Variants in SH3GL2 observed in about 807,000 individuals in gnomAD.
SH3GL2 encodes SH3 domain containing GRB2 like 2, endophilin A1.
Under a neutral mutation model 46.0 loss-of-function variants are expected in SH3GL2, and 24 were observed. The observed-to-expected ratio is 0.52, with a 90% CI of 0.38 to 0.73. The LOEUF (loss-of-function observed/expected upper bound fraction) is 0.73. Among genes scored for constraint, SH3GL2 ranks in the 30% least tolerant of loss-of-function variants. The pLI is 0.00. For synonymous variants in SH3GL2, 196 were observed against 147.1 expected (o/e 1.33, Z -2.40); for missense variants, 413 against 424.2 (o/e 0.97, Z 0.23).
chr9:17,683,368 T>G (rs1323210692), intron 1 of SH3GL2, among the ~76,000 whole-genome samples: 1 of 152,022 alleles, frequency 6.6e-6, no homozygotes, highest in Admixed American at 6.6e-5. Context: ...CTCTGGATCC[T>G]TCTCTAACCC....
At chr9:17,671,102 CATT>C (rs1206936708) in intron 1 of SH3GL2, among the ~76,000 whole-genome samples, 4 of 152,142 alleles carry the variant, frequency 2.6e-5, no homozygotes, top group Non-Finnish European at 5.9e-5. Context: ...GGACAGATGT[CATT>C]ATATCTGTAC....
chr9:17,612,368 C>T (rs900453476), intron 1 of SH3GL2, among the ~76,000 whole-genome samples: 1 of 152,118 alleles, frequency 6.6e-6, no homozygotes, highest in Non-Finnish European at 1.5e-5. Flanking sequence ...CTGACACAAC[C>T]CTCTTAACCT....
At chr9:17,766,968 A>G (rs1199461841) in intron 3 of SH3GL2, among the ~76,000 whole-genome samples, 2 of 152,198 alleles carry the variant, frequency 1.3e-5, no homozygotes, top group Non-Finnish European at 2.9e-5. Context: ...AGTCTGTTTC[A>G]TGACACTTGA....
intron 2 of SH3GL2, among the ~76,000 whole-genome samples, chr9:17,748,384 G>A (rs959535324): frequency 3.3e-5 from 5 of 152,072 alleles, no homozygotes; most frequent in African/African-American, 7.2e-5. Context: ...TTTGTACTTC[G>A]TTGTAACAAA....
intron 1 of SH3GL2, among the ~76,000 whole-genome samples, chr9:17,654,507 G>A (rs1416075252): frequency 6.6e-6 from 1 of 152,202 alleles, no homozygotes; most frequent in East Asian, 1.9e-4. Context: ...GGAGAACTCT[G>A]TTCTGAGCCA....
At chr9:17,606,275 T>C (rs918668652) in intron 1 of SH3GL2, among the ~76,000 whole-genome samples, 3 of 152,138 alleles carry the variant, frequency 2.0e-5, no homozygotes. Context: ...GGAGTTTTAA[T>C]AGAGACGAGG....
At chr9:17,627,815 C>T (rs1477472345) in intron 1 of SH3GL2, among the ~76,000 whole-genome samples, 8 of 152,094 alleles carry the variant, frequency 5.3e-5, no homozygotes, top group East Asian at 1.9e-4. Flanking sequence ...CCAGAGAGGC[C>T]GTGTGGCTCT....
chr9:17,645,151 CTTTTTTTTTTTTTTTTT>C (rs57611978), intron 1 of SH3GL2, among the ~76,000 whole-genome samples: 14 of 68,772 alleles, frequency 2.0e-4, no homozygotes, highest in Non-Finnish European at 2.4e-4. Context: ...GCAAACGCTG[CTTTTTTTTTTTTTTTTT>C]TTTTTTTTTT....
intron 1 of SH3GL2, among the ~76,000 whole-genome samples, chr9:17,694,108 T>C (rs961346180): frequency 6.6e-6 from 1 of 152,136 alleles, no homozygotes; most frequent in Non-Finnish European, 1.5e-5. Context: ...GGTAAGGAAA[T>C]TGGAGACCAA....
intron 1 of SH3GL2, among the ~76,000 whole-genome samples, chr9:17,657,248 T>C (rs1476089811): frequency 6.6e-6 from 1 of 152,208 alleles, no homozygotes; most frequent in African/African-American, 2.4e-5. Flanking sequence ...TTCTGTAGTA[T>C]GAGAAAGAGA....
chr9:17,677,805 G>A (rs1277779711), intron 1 of SH3GL2, among the ~76,000 whole-genome samples: 7 of 144,938 alleles, frequency 4.8e-5, no homozygotes, highest in Non-Finnish European at 9.0e-5. Flanking sequence ...ACAGGCCCCC[G>A]TGTGTGATGT....
At chr9:17,694,237 G>A (rs931947683) in intron 1 of SH3GL2, among the ~76,000 whole-genome samples, 3 of 152,054 alleles carry the variant, frequency 2.0e-5, no homozygotes, top group Admixed American at 6.6e-5. Flanking sequence ...GCTTGTCTTG[G>A]GGGGCCTTAG....
intron 5 of SH3GL2, among the ~76,000 whole-genome samples, chr9:17,788,576 T>TTAG (rs1824028821): frequency 6.6e-6 from 1 of 152,236 alleles, no homozygotes; most frequent in Non-Finnish European, 1.5e-5. Context: ...ACAATACTTT[T>TTAG]TAGCTTTGGA....
intron 1 of SH3GL2, among the ~76,000 whole-genome samples, chr9:17,696,394 C>G (rs1319251693): frequency 1.3e-5 from 2 of 152,088 alleles, no homozygotes; most frequent in African/African-American, 4.8e-5. Flanking sequence ...GACAAATAAT[C>G]ACTTTACTAC....
rs184967616 is a variant in SH3GL2 at position 17,784,633 on chromosome 9, G to A, written c.188-1748G>A. Among the ~76,000 whole-genome samples, 4 of 152,238 alleles carry A rather than the reference G, an allele frequency of 2.6e-5. No homozygotes were observed. In the East Asian group the frequency reaches 5.8e-4, roughly 22 times the overall value. Reference sequence around the variant, plus strand: ...TCACTATATTGTGAGCACCTTGAGGGCTGGGACTGTGTCCTTCCTGGATCT... The same window carrying A: ...TCACTATATTGTGAGCACCTTGAGGACTGGGACTGTGTCCTTCCTGGATCT... On this transcript the variant is annotated intron_variant, in intron 3 of 8. Coordinates refer to ENST00000380607, the MANE Select transcript of SH3GL2 (RefSeq NM_003026.5).
chr9:17,712,740 G>C (rs1821659911), intron 1 of SH3GL2, among the ~76,000 whole-genome samples: 1 of 151,720 alleles, frequency 6.6e-6, no homozygotes, highest in Non-Finnish European at 1.5e-5. Context: ...ATTCATCTAA[G>C]TTGTTTTGTC....
chr9:17,738,575 T>TATATAGAGAG (rs146902227), intron 1 of SH3GL2, among the ~76,000 whole-genome samples: 3 of 108,258 alleles, frequency 2.8e-5, no homozygotes, highest in African/African-American at 9.3e-5. Flanking sequence ...CATATATATA[T>TATATAGAGAG]AGAGAGAGAG....
intron 1 of SH3GL2, among the ~76,000 whole-genome samples, chr9:17,652,752 A>G (rs544910200): frequency 6.6e-6 from 1 of 152,286 alleles, no homozygotes; most frequent in East Asian, 1.9e-4. Context: ...CTCAACCTGT[A>G]TTATTAATTG....
chr9:17,700,378 G>A (rs1821317857), intron 1 of SH3GL2, among the ~76,000 whole-genome samples: 1 of 152,020 alleles, frequency 6.6e-6, no homozygotes, highest in Non-Finnish European at 1.5e-5. Flanking sequence ...GTAAATTCAG[G>A]GTCTTCAAGC....
Sources: gnomAD v4.1 joint callset for allele counts (sites outside exome capture counted in the v4.1 genomes callset) on GRCh38, gnomAD v4.1.1 for gene constraint, MANE v1.5 for transcripts, NCBI Gene and HGNC (gene_info 2026-07-23, HGNC 2026-07-21) for gene names.